Variants in VPS13A observed in about 807,000 individuals in gnomAD.
VPS13A encodes vacuolar protein sorting 13 homolog A, also known as intermembrane lipid transfer protein VPS13A.
In VPS13A, 264 loss-of-function variants were observed where a neutral mutation model predicts 390.9. That is an observed-to-expected ratio of 0.68 (90% confidence interval 0.61 to 0.75). The LOEUF (loss-of-function observed/expected upper bound fraction) is 0.75. VPS13A is among the 30% of genes least tolerant of loss of function. The pLI, the probability that VPS13A is intolerant of heterozygous loss-of-function variation, is 0.00. For synonymous variants in VPS13A, 1,231 were observed against 1,227.1 expected (o/e 1.00, Z -0.07); for missense variants, 3,409 against 3,733.9 (o/e 0.91, Z 2.27).
chr9:77,360,005 A>G (rs1409973376), intron 58 of VPS13A, among the ~76,000 whole-genome samples: 1 of 152,108 alleles, frequency 6.6e-6, no homozygotes, highest in African/African-American at 2.4e-5. Context: ...TACCCATTCC[A>G]AGAAACAGAA....
intron 67 of VPS13A, among the ~76,000 whole-genome samples, chr9:77,381,675 A>G (rs562161257): frequency 4.1e-4 from 62 of 152,246 alleles, no homozygotes; most frequent in African/African-American, 1.4e-3. Context: ...GATGCTTGCA[A>G]TCCCTTTTTG....
intron 40 of VPS13A, 75 bp from the exon 41 acceptor site, chr9:77,318,160 A>G: frequency 3.9e-6 from 3 of 768,510 alleles, no homozygotes; most frequent in Non-Finnish European, 6.1e-6. Flanking sequence ...ATTTCTCATA[A>G]TATATATTTA....
rs139380985 is a variant in VPS13A at position 77,210,625 on chromosome 9, C to T, written c.505C>T (p.Arg169Trp). 203 of 1,613,548 alleles carry T rather than the reference C, an allele frequency of 1.3e-4. No homozygotes were observed. Among genetic ancestry groups the T allele is most frequent in the Non-Finnish European group, 1.4e-4 (171 of 1,179,916 alleles). The change falls in exon 7 of 72, where the codon CGG (arginine) becomes TGG (tryptophan). Residue 169 changes from arginine to tryptophan, a missense_variant. This residue lies in a region of VPS13A where 2,717 missense variants were observed against 2,917.4 expected (regional missense o/e 0.93). Transcript: ENST00000360280. The stretch of plus-strand genomic sequence containing the variant: ...TTTCTTTCCTCTTTAGATCACAAAT[C>T]GGGACAAACCGCTGTCATTTGGTAT... ...HIRYEDDITN[R>W]DKPLSFGISL...
At chr9:77,348,687 CCA>C (rs2131533478) in intron 52 of VPS13A, among the ~76,000 whole-genome samples, 1 of 151,914 alleles carries the variant, frequency 6.6e-6, no homozygotes, top group East Asian at 1.9e-4. Flanking sequence ...TCTATGTACC[CCA>C]GTTTTTGATA....
intron 67 of VPS13A, 42 bp downstream of exon 67, chr9:77,371,191 G>C: frequency 6.2e-7 from 1 of 1,612,516 alleles, no homozygotes; most frequent in Non-Finnish European, 8.5e-7. Context: ...AAATGCTGAA[G>C]CCATGAGAAA....
At chr9:77,234,599 T>C (rs1824028130) in intron 17 of VPS13A, among the ~76,000 whole-genome samples, 1 of 152,184 alleles carries the variant, frequency 6.6e-6, no homozygotes, top group South Asian at 2.1e-4. Context: ...TGTATCATGT[T>C]TTTTTCATCC....
chr9:77,256,698 T>G (rs894745878), intron 22 of VPS13A, among the ~76,000 whole-genome samples: 7 of 152,320 alleles, frequency 4.6e-5, no homozygotes, highest in Admixed American at 4.6e-4. Context: ...TTTATAATTG[T>G]TATGTCTTCT....
At chr9:77,387,105 G>GA (rs573286383) in intron 68 of VPS13A, among the ~76,000 whole-genome samples, 5 of 146,930 alleles carry the variant, frequency 3.4e-5, no homozygotes, top group Admixed American at 6.9e-5. Flanking sequence ...TTCCAGTTTT[G>GA]AAAAAAAACT....
intron 34 of VPS13A, among the ~76,000 whole-genome samples, chr9:77,303,466 C>T (rs554342573): frequency 8.2e-4 from 124 of 152,110 alleles, no homozygotes; most frequent in African/African-American, 2.6e-3. Context: ...TATTTCTAGT[C>T]GGGTGGGATG....
At chr9:77,333,976 G>A (rs1164544196) in intron 46 of VPS13A, among the ~76,000 whole-genome samples, 2 of 152,088 alleles carry the variant, frequency 1.3e-5, no homozygotes, top group Non-Finnish European at 2.9e-5. Flanking sequence ...AGGAAACAGT[G>A]GGTTATAGAG....
chr9:77,313,843 T>G (rs1032223203), intron 35 of VPS13A, 149 bp from the exon 36 acceptor site: 160 of 881,156 alleles, frequency 1.8e-4, no homozygotes, highest in Non-Finnish European at 2.5e-4. Flanking sequence ...AGTTACTGAG[T>G]TTTACATCTG....
At chr9:77,343,421 A>C (rs1389398907) in intron 50 of VPS13A, among the ~76,000 whole-genome samples, 3 of 152,216 alleles carry the variant, frequency 2.0e-5, no homozygotes, top group Non-Finnish European at 4.4e-5. Context: ...GGTATCACAC[A>C]TGAGCAGTCT....
rs1243144473 is a variant in VPS13A at position 77,220,066 on chromosome 9, A to G, written c.867A>G (p.Glu289=). The G allele has an allele frequency of 1.2e-6, 2 of 1,610,294 alleles. No individual in the cohort carries two copies. Among genetic ancestry groups the G allele is most frequent in the Non-Finnish European group, 1.7e-6 (2 of 1,177,152 alleles). ...TTGAGTTACATAACATAGCAATTGA[A>G]TTTAATAAACCACAGGTGATTTTCT... The part of the protein sequence containing the change: ...LEIELHNIAI[E]FNKPQYFSIM... The change falls in exon 11 of 72, where the codon GAA becomes GAG. Residue 289 remains glutamate (E), a synonymous_variant. Coordinates refer to ENST00000360280, the MANE Select transcript of VPS13A (RefSeq NM_033305.3).
intron 1 of VPS13A, among the ~76,000 whole-genome samples, chr9:77,186,655 C>T (rs924689379): frequency 6.6e-6 from 1 of 152,148 alleles, no homozygotes; most frequent in African/African-American, 2.4e-5. Flanking sequence ...CCAGAATGGT[C>T]TTGATCTCTT....
At chr9:77,270,859 A>G (rs1826314604) in intron 23 of VPS13A, among the ~76,000 whole-genome samples, 1 of 152,216 alleles carries the variant, frequency 6.6e-6, no homozygotes, top group Admixed American at 6.5e-5. Flanking sequence ...TTATATGCGG[A>G]ATTTAACTTG....
At chr9:77,333,940 G>T (rs1416596047) in intron 46 of VPS13A, among the ~76,000 whole-genome samples, 2 of 152,132 alleles carry the variant, frequency 1.3e-5, no homozygotes, top group Non-Finnish European at 2.9e-5. Flanking sequence ...ATCAAAAGAT[G>T]GATATATTAC....
Position 77,347,897 on chromosome 9 carries a change from A to G in VPS13A, c.7289+2755A>G, listed in dbSNP as rs142221236. Among the ~76,000 whole-genome samples the G allele has an allele frequency of 7.2e-4, 108 of 150,880 alleles. 1 individual carries two copies. In the East Asian group the frequency reaches 0.02, roughly 28 times the overall value. ...TTTCCTGAATGCTCTGGGTCTTTCC[A>G]TGTGTTTTTACCTGAATAGGTGTTT... On this transcript the variant is annotated intron_variant, in intron 52 of 71. Transcript: ENST00000360280.
At chr9:77,308,225 C>G (rs1378528088) in intron 35 of VPS13A, 127 bp downstream of exon 35, 1 of 1,078,212 alleles carries the variant, frequency 9.3e-7, no homozygotes, top group African/African-American at 1.6e-5. Context: ...TTCCTTCTTT[C>G]TTTCCTTCTT....
At chr9:77,186,155 A>G (rs1461961340) in intron 1 of VPS13A, among the ~76,000 whole-genome samples, 1 of 152,160 alleles carries the variant, frequency 6.6e-6, no homozygotes, top group African/African-American at 2.4e-5. Context: ...ATACTACTTC[A>G]TGGAAAATGG....
Sources: gnomAD v4.1 joint callset for allele counts (sites outside exome capture counted in the v4.1 genomes callset) on GRCh38, gnomAD v4.1.1 for gene constraint, gnomAD v4.1.1 regional missense constraint, MANE v1.5 for transcripts, NCBI Gene and HGNC (gene_info 2026-07-23, HGNC 2026-07-21) for gene names.